CNTN5: variants seen among roughly 807,000 people sequenced by gnomAD.
CNTN5 encodes the protein contactin-5.
Under a neutral mutation model 129.1 loss-of-function variants are expected in CNTN5, and 77 were observed. The ratio of observed to expected loss-of-function variants is 0.60; its 90% CI spans 0.50 to 0.72. CNTN5 has a LOEUF of 0.72. Among genes scored for constraint, CNTN5 ranks in the 30% least tolerant of loss-of-function variants. The pLI is 0.00. For missense variants in CNTN5, 1,478 were observed against 1,328.8 expected, an observed-to-expected ratio of 1.11 and a Z score of -1.75; for synonymous variants, 509 against 465.6, an observed-to-expected ratio of 1.09 and a Z score of -1.20.
chr11:99,565,999 T>A (rs1345429248), intron 3 of CNTN5, among the ~76,000 whole-genome samples: 1 of 152,190 alleles, frequency 6.6e-6, no homozygotes, highest in African/African-American at 2.4e-5. Context: ...AGGCAGATAA[T>A]TATCTGAAAT....
chr11:99,427,350 G>A (rs1159723975), intron 2 of CNTN5, among the ~76,000 whole-genome samples: 2 of 152,098 alleles, frequency 1.3e-5, no homozygotes, highest in Non-Finnish European at 2.9e-5. Flanking sequence ...CCTGAGGGGG[G>A]AAATAATTAC....
intron 1 of CNTN5, among the ~76,000 whole-genome samples, chr11:99,155,099 C>T (rs1400369216): frequency 6.6e-6 from 1 of 152,118 alleles, no homozygotes; most frequent in African/African-American, 2.4e-5. Context: ...GAGCATGCCA[C>T]TCCTCAGCTG....
chr11:99,421,136 GTT>G (rs60013434), intron 2 of CNTN5, among the ~76,000 whole-genome samples: 16 of 141,610 alleles, frequency 1.1e-4, no homozygotes, highest in African/African-American at 2.3e-4. Context: ...ATTCATTGAG[GTT>G]TTTTTTTTTT....
chr11:99,212,251 A>G (rs543008407), intron 1 of CNTN5, among the ~76,000 whole-genome samples: 39 of 152,294 alleles, frequency 2.6e-4, no homozygotes, highest in Admixed American at 6.5e-4. Flanking sequence ...CAGAGTGCCT[A>G]TGATTTCACC....
intron 3 of CNTN5, among the ~76,000 whole-genome samples, chr11:99,675,014 G>GGTTTT (rs1408090040): frequency 6.2e-5 from 1 of 16,064 alleles, no homozygotes; most frequent in Non-Finnish European, 3.6e-4. Context: ...CATTTTTCTG[G>GGTTTT]TTTTGTTTTG....
intron 1 of CNTN5, among the ~76,000 whole-genome samples, chr11:99,138,606 A>G (rs1311063432): frequency 6.6e-6 from 1 of 152,204 alleles, no homozygotes; most frequent in Admixed American, 6.5e-5. Context: ...TTAATCGATT[A>G]TGCATCAGAA....
At chr11:99,446,362 T>C (rs1224836856) in intron 2 of CNTN5, among the ~76,000 whole-genome samples, 1 of 152,182 alleles carries the variant, frequency 6.6e-6, no homozygotes, top group Non-Finnish European at 1.5e-5. Context: ...TTCTGTCTTT[T>C]CTTCTGGGTC....
chr11:100,080,251 G>A (rs2137924258), intron 13 of CNTN5, among the ~76,000 whole-genome samples: 1 of 152,050 alleles, frequency 6.6e-6, no homozygotes, highest in South Asian at 2.1e-4. Context: ...AAGAAATCCT[G>A]CATACAAAAA....
At chr11:99,868,880 G>T (rs942460520) in intron 6 of CNTN5, among the ~76,000 whole-genome samples, 1 of 152,118 alleles carries the variant, frequency 6.6e-6, no homozygotes, top group Non-Finnish European at 1.5e-5. Context: ...CCATGTTTTA[G>T]GTACATTAGT....
chr11:99,102,352 A>C (rs1363449983), intron 1 of CNTN5, among the ~76,000 whole-genome samples: 1 of 152,092 alleles, frequency 6.6e-6, no homozygotes, highest in African/African-American at 2.4e-5. Flanking sequence ...ACTTATGCAA[A>C]TTTCTGCAGC....
chr11:100,311,640 G>A (rs927986832), intron 21 of CNTN5, among the ~76,000 whole-genome samples: 3 of 151,908 alleles, frequency 2.0e-5, no homozygotes, highest in Non-Finnish European at 4.4e-5. Context: ...AACTAAGGAG[G>A]AGACACTGAA....
At chr11:99,482,792 G>A (rs1017445382) in intron 2 of CNTN5, among the ~76,000 whole-genome samples, 3 of 151,844 alleles carry the variant, frequency 2.0e-5, no homozygotes, top group South Asian at 2.1e-4. Context: ...ATTAATACCC[G>A]GAACTTCACT....
At chr11:99,130,350 A>G (rs888715858) in intron 1 of CNTN5, among the ~76,000 whole-genome samples, 1 of 152,208 alleles carries the variant, frequency 6.6e-6, no homozygotes, top group Non-Finnish European at 1.5e-5. Context: ...ACCAACAAAG[A>G]TCAAAAAAAG....
intron 13 of CNTN5, among the ~76,000 whole-genome samples, chr11:100,098,690 A>G (rs1055328160): frequency 6.6e-6 from 1 of 152,062 alleles, no homozygotes; most frequent in Admixed American, 6.6e-5. Context: ...ATTGCCCAGT[A>G]GCATTTTGGG....
chr11:99,276,373 A>T (rs1017037065), intron 1 of CNTN5, among the ~76,000 whole-genome samples: 1 of 151,700 alleles, frequency 6.6e-6, no homozygotes, highest in Non-Finnish European at 1.5e-5. Context: ...AAAACATTTA[A>T]TAATTAAATA....
intron 1 of CNTN5, among the ~76,000 whole-genome samples, chr11:99,040,792 A>T (rs192220198): frequency 6.6e-6 from 1 of 152,170 alleles, no homozygotes; most frequent in Non-Finnish European, 1.5e-5. Flanking sequence ...TGATGAATAT[A>T]TAGAGTTGCA....
At chr11:99,800,440 TTC>T (rs1462341516) in intron 3 of CNTN5, among the ~76,000 whole-genome samples, 1 of 152,180 alleles carries the variant, frequency 6.6e-6, no homozygotes. Context: ...ATGTGGAATA[TTC>T]TGTAGATGTC....
intron 2 of CNTN5, among the ~76,000 whole-genome samples, chr11:99,402,266 T>G (rs930749381): frequency 3.3e-5 from 5 of 152,114 alleles, no homozygotes; most frequent in Non-Finnish European, 5.9e-5. Flanking sequence ...TTTTTAAGCA[T>G]TTTTAACATG....
intron 10 of CNTN5, among the ~76,000 whole-genome samples, chr11:100,062,300 A>G (rs1475634543): frequency 6.6e-6 from 1 of 152,218 alleles, no homozygotes; most frequent in Non-Finnish European, 1.5e-5. Context: ...TCTCAAGATC[A>G]GTTCCAAAAG....
Sources: gnomAD v4.1 joint callset for allele counts (sites outside exome capture counted in the v4.1 genomes callset) on GRCh38, gnomAD v4.1.1 for gene constraint, MANE v1.5 for transcripts, NCBI Gene and HGNC (gene_info 2026-07-23, HGNC 2026-07-21) for gene names.